The following THSD7A variants were observed in gnomAD, a reference collection of about 807,000 sequenced individuals.
THSD7A encodes thrombospondin type-1 domain-containing protein 7A.
THSD7A carries 96 observed loss-of-function variants against 231.3 expected under a neutral mutation model. The observed-to-expected ratio is 0.41, with a 90% CI of 0.35 to 0.49. The LOEUF (loss-of-function observed/expected upper bound fraction) is 0.49. THSD7A is among the 20% of genes least tolerant of loss of function. THSD7A has a pLI of 0.05. For synonymous variants in THSD7A, 940 were observed against 743.3 expected, an observed-to-expected ratio of 1.26 and a Z score of -4.30; for missense variants, 2,290 against 2,070.2, an observed-to-expected ratio of 1.11 and a Z score of -2.06.
In THSD7A at chr7:11,393,155, C is replaced by A. The variant is rs529257846; in HGVS notation, c.4411+8640G>T. On this transcript the variant is annotated intron_variant, in intron 23 of 27. Coordinates refer to ENST00000423059, the MANE Select transcript of THSD7A (RefSeq NM_015204.3). Reference sequence around the variant, plus strand: ...CAGGAGAGCTCTGGCTGGCATCTGGCAGGTGCCCCTCTGGGATGAAGTTTT... The same window carrying A: ...CAGGAGAGCTCTGGCTGGCATCTGGAAGGTGCCCCTCTGGGATGAAGTTTT... Among the ~76,000 whole-genome samples, 117 of 152,302 alleles carry A rather than the reference C, an allele frequency of 7.7e-4. 1 individual carries two copies. Among genetic ancestry groups the A allele is most frequent in the African/African-American group, 2.7e-3 (114 of 41,560 alleles).
intron 16 of THSD7A, among the ~76,000 whole-genome samples, chr7:11,419,088 G>A (rs116792221): frequency 1.3e-5 from 2 of 152,086 alleles, no homozygotes; most frequent in Admixed American, 6.6e-5. Flanking sequence ...TTGAGTAGGT[G>A]GTGTCACTAT....
At chr7:11,617,547 C>T (rs1385727670) in intron 2 of THSD7A, among the ~76,000 whole-genome samples, 1 of 152,070 alleles carries the variant, frequency 6.6e-6, no homozygotes, top group Non-Finnish European at 1.5e-5. Flanking sequence ...CTAACGGAGA[C>T]CTAGGATAGA....
intron 11 of THSD7A, among the ~76,000 whole-genome samples, chr7:11,453,968 G>C (rs1304257998): frequency 6.6e-6 from 1 of 151,908 alleles, no homozygotes; most frequent in African/African-American, 2.4e-5. Context: ...CAATAATTCA[G>C]CCTTCTAAAT....
chr7:11,459,665 A>ATTTTT (rs34415355), intron 11 of THSD7A, among the ~76,000 whole-genome samples: 3 of 39,918 alleles, frequency 7.5e-5, no homozygotes, highest in African/African-American at 1.8e-4. Context: ...AAAACAGGGG[A>ATTTTT]TTTTTTTTTT....
chr7:11,523,221 C>G (rs1323564336), intron 6 of THSD7A, among the ~76,000 whole-genome samples: 2 of 152,054 alleles, frequency 1.3e-5, no homozygotes, highest in Non-Finnish European at 2.9e-5. Context: ...AAATAAAAAT[C>G]TGGCTTCCTG....
At chr7:11,725,708 T>C (rs948982902) in intron 1 of THSD7A, among the ~76,000 whole-genome samples, 1 of 152,012 alleles carries the variant, frequency 6.6e-6, no homozygotes, top group African/African-American at 2.4e-5. Context: ...GGCCATGAAA[T>C]AGAGATGCTT....
At chr7:11,681,662 G>C (rs1378530238) in intron 1 of THSD7A, among the ~76,000 whole-genome samples, 1 of 151,972 alleles carries the variant, frequency 6.6e-6, no homozygotes. Flanking sequence ...GAGAAGAAGA[G>C]AAAGTATACA....
intron 1 of THSD7A, among the ~76,000 whole-genome samples, chr7:11,706,692 T>C (rs572565255): frequency 1.4e-5 from 2 of 146,310 alleles, no homozygotes; most frequent in African/African-American, 5.0e-5. Flanking sequence ...CACATTTGCT[T>C]CTTAAATCAT....
At chr7:11,453,950 C>T (rs906365783) in intron 11 of THSD7A, among the ~76,000 whole-genome samples, 1 of 151,906 alleles carries the variant, frequency 6.6e-6, no homozygotes, top group African/African-American at 2.4e-5. Context: ...AATTACATAG[C>T]CACTGACCAA....
At chr7:11,774,082 C>T (rs1464708307) in intron 1 of THSD7A, among the ~76,000 whole-genome samples, 1 of 152,142 alleles carries the variant, frequency 6.6e-6, no homozygotes, top group Non-Finnish European at 1.5e-5. Flanking sequence ...GTGGCTTTTT[C>T]ACAATGCTAG....
intron 1 of THSD7A, among the ~76,000 whole-genome samples, chr7:11,676,733 G>A (rs1186859207): frequency 6.6e-6 from 1 of 152,044 alleles, no homozygotes; most frequent in African/African-American, 2.4e-5. Flanking sequence ...AGAATGAAAA[G>A]GAACAAACAA....
At position 11,634,779 on chromosome 7, in the gene THSD7A, A is replaced by C. The variant is rs552328342; in HGVS notation, c.1022+1351T>G. Among the ~76,000 whole-genome samples, 1 of 152,320 alleles carries C rather than the reference A, an allele frequency of 6.6e-6. No homozygotes were observed. Among genetic ancestry groups the C allele is most frequent in the Non-Finnish European group, 1.5e-5 (1 of 68,024 alleles). On this transcript the variant is annotated intron_variant, in intron 2 of 27. Coordinates refer to ENST00000423059, the MANE Select transcript of THSD7A (RefSeq NM_015204.3). The surrounding 1 kb of genome is among the most constrained non-coding windows in gnomAD (Gnocchi z 4.1). ...ATACAAAGAGGGGAGAGAGTAGCAA[A>C]AATTCCAAAAAACAGTAACCAGAAC...
chr7:11,787,627 T>C (rs372768961), intron 1 of THSD7A, among the ~76,000 whole-genome samples: 1 of 152,140 alleles, frequency 6.6e-6, no homozygotes, highest in South Asian at 2.1e-4. Context: ...AAAGAAAATA[T>C]ACAGATGGCA....
chr7:11,541,280 A>G, intron 6 of THSD7A, 139 bp downstream of exon 6: 3 of 792,170 alleles, frequency 3.8e-6, no homozygotes, highest in Non-Finnish European at 6.3e-6. Context: ...AAAGAGAGGG[A>G]GGGAGAGAGA....
In THSD7A at chr7:11,706,630, C is replaced by CTTTTTTTTTTTTTTTTTTTTTTTTTT. The variant is rs66964252; in HGVS notation, c.191-69670_191-69669insAAAAAAAAAAAAAAAAAAAAAAAAAA. Reference sequence around the variant, plus strand: ...ATTGACTAAAAATTTTAACAAGGTGCTTTTTTTTTTTTTTTTTTTTTTTTT... The same window carrying CTTTTTTTTTTTTTTTTTTTTTTTTTT: ...ATTGACTAAAAATTTTAACAAGGTGCTTTTTTTTTTTTTTTTTTTTTTTTTTTTTTTTTTTTTTTTTTTTTTTTTTT... On this transcript the variant is annotated intron_variant, in intron 1 of 27. Transcript: ENST00000423059. Among the ~76,000 whole-genome samples, 6 of 66,392 alleles carry CTTTTTTTTTTTTTTTTTTTTTTTTTT rather than the reference C, an allele frequency of 9.0e-5. 1 individual carries two copies. The highest frequency in any genetic ancestry group is 1.1e-4 in the Non-Finnish European group (4 of 36,888). The allele number at this position is 66,392 out of a possible 152,430, so 43.6% of individuals were successfully genotyped here. A position where few individuals can be genotyped will look rare whatever the true frequency, so the allele number is the denominator to read the frequency against.
intron 1 of THSD7A, among the ~76,000 whole-genome samples, chr7:11,736,599 A>C (rs892899298): frequency 8.5e-5 from 13 of 152,126 alleles, no homozygotes; most frequent in Middle Eastern, 3.4e-3. Context: ...AGTTCTGAAT[A>C]ATGTTTTTAT....
intron 2 of THSD7A, among the ~76,000 whole-genome samples, chr7:11,631,326 G>A (rs970606695): frequency 6.6e-6 from 1 of 151,886 alleles, no homozygotes; most frequent in Admixed American, 6.6e-5. Context: ...CCTTGATTGG[G>A]GTTACTGGGT....
chr7:11,626,638 T>G (rs1781480642), intron 2 of THSD7A, among the ~76,000 whole-genome samples: 1 of 152,108 alleles, frequency 6.6e-6, no homozygotes, highest in Non-Finnish European at 1.5e-5. Context: ...TTGATAGTGA[T>G]GAGCTTTGTG....
At position 11,728,746 on chromosome 7, in the gene THSD7A, G is replaced by A. The variant is rs1583231850; in HGVS notation, c.191-91785C>T. Among the ~76,000 whole-genome samples the A allele has an allele frequency of 2.0e-5, 3 of 151,682 alleles. No homozygotes were observed. In the Admixed American group the frequency reaches 2.0e-4, roughly 10 times the overall value. On this transcript the variant is annotated intron_variant, in intron 1 of 27. Transcript: ENST00000423059. Reference sequence around the variant, plus strand: ...ATATATACCAAGTAGACTGAGAGAGGCTGCCAGTATCAACTTGTATACTAA... The same window carrying A: ...ATATATACCAAGTAGACTGAGAGAGACTGCCAGTATCAACTTGTATACTAA...
Sources: allele counts gnomAD v4.1 joint callset (sites outside exome capture counted in the v4.1 genomes callset), GRCh38; gene constraint gnomAD v4.1.1; non-coding constraint Gnocchi (gnomAD v3.1); transcripts MANE v1.5; gene names NCBI Gene and HGNC (gene_info 2026-07-23, HGNC 2026-07-21).